Variants in PAX7 observed in about 807,000 individuals in gnomAD.
The protein encoded by PAX7 is paired box protein Pax-7.
PAX7 carries 18 observed loss-of-function variants against 50.7 expected under a neutral mutation model. That is an observed-to-expected ratio of 0.36 (90% confidence interval 0.25 to 0.53). The LOEUF (loss-of-function observed/expected upper bound fraction) is 0.53, where lower values mean the gene tolerates loss of function less well. PAX7 is among the 20% of genes least tolerant of loss of function. The probability of loss-of-function intolerance (pLI) is 0.93; values close to 1 mark genes in which losing one functional copy is unlikely to be tolerated. For missense variants in PAX7, 644 were observed against 702.9 expected (o/e 0.92, Z 0.95); for synonymous variants, 310 against 290.4 (o/e 1.07, Z -0.69).
chr1:18,671,731 C>A (rs1230737337), intron 4 of PAX7, among the ~76,000 whole-genome samples: 1 of 151,974 alleles, frequency 6.6e-6, no homozygotes, highest in Non-Finnish European at 1.5e-5. Flanking sequence ...TACCTGTAAC[C>A]CCAGTGCTTT....
chr1:18,720,713 G>C (rs1327333575), intron 7 of PAX7, among the ~76,000 whole-genome samples: 1 of 151,722 alleles, frequency 6.6e-6, no homozygotes, highest in Non-Finnish European at 1.5e-5. Context: ...GTGGAGACTG[G>C]GGGGAGAGAG....
At chr1:18,644,587 T>C (rs755975847) in intron 4 of PAX7, among the ~76,000 whole-genome samples, 1 of 152,162 alleles carries the variant, frequency 6.6e-6, no homozygotes, top group Non-Finnish European at 1.5e-5. Flanking sequence ...ATTCAGAACC[T>C]CACATCTGCG....
chr1:18,662,952 A>G (rs1258775032), intron 4 of PAX7, among the ~76,000 whole-genome samples: 2 of 152,156 alleles, frequency 1.3e-5, no homozygotes, highest in East Asian at 1.9e-4. Flanking sequence ...GAATATAGAA[A>G]GTAAAAAAGC....
At chr1:18,689,098 G>C (rs575290) in intron 4 of PAX7, among the ~76,000 whole-genome samples, 150,406 of 152,136 alleles carry the variant, frequency 0.99, 74,352 homozygotes, top group East Asian at 1. Context: ...GTCCCCATCC[G>C]CCTCAGCTCC....
intron 7 of PAX7, among the ~76,000 whole-genome samples, chr1:18,707,894 CAT>C (rs968276162): frequency 9.9e-5 from 15 of 152,198 alleles, no homozygotes; most frequent in Admixed American, 4.6e-4. Context: ...TCATTCGACT[CAT>C]GTGGTGGATG....
chr1:18,730,063 C>A (rs185705562), intron 7 of PAX7, among the ~76,000 whole-genome samples: 1 of 151,840 alleles, frequency 6.6e-6, no homozygotes, highest in African/African-American at 2.4e-5. Flanking sequence ...GAAGAGGTGT[C>A]GGGGAGGTGA....
intron 7 of PAX7, among the ~76,000 whole-genome samples, chr1:18,718,243 G>A (rs2089451736): frequency 6.6e-6 from 1 of 152,154 alleles, no homozygotes; most frequent in Admixed American, 6.5e-5. Context: ...GGTAACTTTG[G>A]AAAGCAGGGA....
At chr1:18,677,277 A>G (rs1326837642) in intron 4 of PAX7, among the ~76,000 whole-genome samples, 1 of 152,162 alleles carries the variant, frequency 6.6e-6, no homozygotes, top group African/African-American at 2.4e-5. Flanking sequence ...CATGGCCTCC[A>G]TTACAGCAAC....
chr1:18,697,237 TGAA>T (rs2089161459), intron 5 of PAX7, among the ~76,000 whole-genome samples: 1 of 152,132 alleles, frequency 6.6e-6, no homozygotes, highest in Admixed American at 6.5e-5. Flanking sequence ...GGATCAGAAA[TGAA>T]GAATAAAACC....
chr1:18,663,661 C>A (rs1253236268), intron 4 of PAX7, among the ~76,000 whole-genome samples: 1 of 152,200 alleles, frequency 6.6e-6, no homozygotes, highest in East Asian at 1.9e-4. Flanking sequence ...GGCTTACAGG[C>A]GTGAGCCACC....
chr1:18,658,626 A>G (rs1011104359), intron 4 of PAX7, among the ~76,000 whole-genome samples: 9 of 152,354 alleles, frequency 5.9e-5, no homozygotes, highest in Admixed American at 5.9e-4. Flanking sequence ...TGCATGCAGG[A>G]CAGGGGTTAA....
intron 4 of PAX7, among the ~76,000 whole-genome samples, chr1:18,654,188 G>A (rs1369097765): frequency 3.9e-5 from 6 of 152,062 alleles, no homozygotes; most frequent in African/African-American, 1.4e-4. Flanking sequence ...CTCGAATGCA[G>A]TGAGCCCTCC....
intron 7 of PAX7, among the ~76,000 whole-genome samples, chr1:18,724,974 G>A (rs989773386): frequency 1.3e-5 from 2 of 152,210 alleles, no homozygotes; most frequent in East Asian, 1.9e-4. Context: ...TGGGGAGGAG[G>A]GGCTGGCAGT....
At position 18,670,082 on chromosome 1, in the gene PAX7, C is replaced by CAAAA. The variant is rs10626256; in HGVS notation, c.587-21655_587-21652dup. 6.5e-4 allele frequency among the ~76,000 whole-genome samples: 53 copies of CAAAA among 80,988 alleles called. 3 individuals are homozygous for CAAAA. Among genetic ancestry groups the CAAAA allele is most frequent in the South Asian group, 1.1e-3 (2 of 1,812 alleles). The allele number at this position is 80,988 out of a possible 152,430, so 53.1% of individuals were successfully genotyped here. A position where few individuals can be genotyped will look rare whatever the true frequency, so the allele number is the denominator to read the frequency against. ...TGGGTGACAGAGTGAGACTCCATCTCAAAAAAAAAAAAAAAAAAAAGAGCC... is the reference window on the plus strand; with the variant it reads ...TGGGTGACAGAGTGAGACTCCATCTCAAAAAAAAAAAAAAAAAAAAAAAAGAGCC... On this transcript the variant is annotated intron_variant, in intron 4 of 8. Coordinates refer to ENST00000420770, the MANE Select transcript of PAX7 (RefSeq NM_001135254.2).
intron 4 of PAX7, among the ~76,000 whole-genome samples, chr1:18,684,950 C>T (rs1411111490): frequency 1.3e-5 from 2 of 152,134 alleles, no homozygotes; most frequent in Non-Finnish European, 2.9e-5. Flanking sequence ...GCTCCTGGTC[C>T]TCTGTGAGCT....
intron 4 of PAX7, among the ~76,000 whole-genome samples, chr1:18,651,988 T>C (rs1339062): frequency 0.53 from 80,984 of 151,602 alleles, 22,350 homozygotes; most frequent in African/African-American, 0.63. Flanking sequence ...AGAATGGAAG[T>C]TGGCTCTCAG....
chr1:18,679,742 G>A (rs1337664129), intron 4 of PAX7, among the ~76,000 whole-genome samples: 2 of 152,296 alleles, frequency 1.3e-5, no homozygotes, highest in African/African-American at 2.4e-5. Context: ...GATCTGCAAA[G>A]CCTCCACCGT....
chr1:18,695,152 C>T (rs888307210), intron 5 of PAX7, among the ~76,000 whole-genome samples: 2 of 150,798 alleles, frequency 1.3e-5, no homozygotes, highest in African/African-American at 4.9e-5. Context: ...CCATCTCTCA[C>T]AGGCAAGATG....
At chr1:18,705,837 C>T (rs1004340170) in intron 7 of PAX7, among the ~76,000 whole-genome samples, 2 of 152,172 alleles carry the variant, frequency 1.3e-5, no homozygotes, top group Non-Finnish European at 2.9e-5. Flanking sequence ...GCCTCCAGCC[C>T]ATTCCTCAGG....
Sources: allele counts gnomAD v4.1 joint callset (sites outside exome capture counted in the v4.1 genomes callset), GRCh38; gene constraint gnomAD v4.1.1; transcripts MANE v1.5; gene names NCBI Gene and HGNC (gene_info 2026-07-23, HGNC 2026-07-21).